Variants in ABCA1 observed in about 807,000 individuals in gnomAD.
ABCA1 encodes phospholipid-transporting ATPase ABCA1.
ABCA1 carries 133 observed loss-of-function variants against 262.5 expected under a neutral mutation model. The ratio of observed to expected loss-of-function variants is 0.51; its 90% confidence interval spans 0.44 to 0.59. ABCA1 has a LOEUF of 0.59. Among genes scored for constraint, ABCA1 ranks in the 20% least tolerant of loss-of-function variants. The pLI is 0.00. For synonymous variants in ABCA1, 1,022 were observed against 1,043.5 expected, an observed-to-expected ratio of 0.98 and a Z score of 0.40; for missense variants, 2,452 against 2,777.5, an observed-to-expected ratio of 0.88 and a Z score of 2.63.
At chr9:104,895,517 T>A (rs1485513874) in intron 2 of ABCA1, among the ~76,000 whole-genome samples, 1 of 148,252 alleles carries the variant, frequency 6.7e-6, no homozygotes. Context: ...GAGGGTGGGG[T>A]GGGGTAGGGG....
In ABCA1 at chr9:104,796,698, T is replaced by C. The variant is rs7033623; in HGVS notation, c.5122-274A>G. On this transcript the variant is annotated intron_variant, in intron 37 of 49. Coordinates refer to ENST00000374736, the MANE Select transcript of ABCA1 (RefSeq NM_005502.4). ...CTCAGTAAACTTACTGAACGATGGA[T>C]TCCCAGTCAGAGTAATTTTAATTTC... Among the ~76,000 whole-genome samples the C allele has an allele frequency of 2.3e-3, 346 of 152,300 alleles. 1 individual carries two copies. Among genetic ancestry groups the C allele is most frequent in the African/African-American group, 7.5e-3 (310 of 41,558 alleles).
chr9:104,800,659 G>A lies in ABCA1; in HGVS notation c.4699-75C>T. ...GGGCAACAGTCAATCTGGAACCTGTGGACAACAGGACGGCCCTGTGAAGAG... is the reference window on the plus strand; with the variant it reads ...GGGCAACAGTCAATCTGGAACCTGTAGACAACAGGACGGCCCTGTGAAGAG... On this transcript the variant is annotated intron_variant, in intron 34 of 49. Coordinates refer to ENST00000374736, the MANE Select transcript of ABCA1 (RefSeq NM_005502.4). 3.8e-6 allele frequency: 5 copies of A among 1,306,502 alleles called. No homozygotes were observed. The South Asian group carries it at 4.7e-5, about 12-fold the overall frequency. 80.9% of individuals were successfully genotyped at this position (1,306,502 alleles called of 1,614,324 possible).
At chr9:104,816,490 CTCTGG>C in intron 24 of ABCA1, 145 bp from the exon 25 acceptor site, 1 of 794,278 alleles carries the variant, frequency 1.3e-6, no homozygotes, top group Non-Finnish European at 2.2e-6. Context: ...ACATGTTCAT[CTCTGG>C]TCTGAGGGTT....
At chr9:104,876,463 G>A (rs567130942) in intron 5 of ABCA1, among the ~76,000 whole-genome samples, 2 of 152,330 alleles carry the variant, frequency 1.3e-5, no homozygotes, top group East Asian at 1.9e-4. Context: ...TGTCCACAGT[G>A]CAACCTGGAG....
intron 15 of ABCA1, 91 bp from the exon 16 acceptor site, chr9:104,827,260 T>G (rs1832886117): frequency 9.1e-7 from 1 of 1,095,128 alleles, no homozygotes; most frequent in Admixed American, 2.0e-5. Flanking sequence ...GGTTTATTCC[T>G]ACTCATGTTA....
chr9:104,837,565 G>T lies in ABCA1; in HGVS notation c.1057C>A (p.Pro353Thr). The T allele has an allele frequency of 6.2e-7, 1 of 1,614,018 alleles. No homozygotes were observed. The change falls in exon 10 of 50, where the codon CCT (proline) becomes ACT (threonine). Residue 353 changes from proline to threonine, a missense_variant and splice_region_variant. Pro to Thr is a conservative substitution (Grantham distance 38). Transcript: ENST00000374736. ...TTCTTCATCAAATCATTGCAGTAAGGAGCTATGAAGAAGAGGAGAGACAAA... is the reference window on the plus strand; with the variant it reads ...TTCTTCATCAAATCATTGCAGTAAGTAGCTATGAAGAAGAGGAGAGACAAA... ...AETFYDNSTT[P>T]YCNDLMKNLE...
intron 1 of ABCA1, among the ~76,000 whole-genome samples, chr9:104,904,678 T>C (rs1564284227): frequency 6.6e-6 from 1 of 151,802 alleles, no homozygotes; most frequent in East Asian, 1.9e-4. Flanking sequence ...CACCTGGCTC[T>C]CAGGTAATGA....
chr9:104,854,237 G>A (rs1339873006), intron 7 of ABCA1, among the ~76,000 whole-genome samples: 1 of 152,068 alleles, frequency 6.6e-6, no homozygotes, highest in African/African-American at 2.4e-5. Context: ...CAACTGCACG[G>A]GACTGAATTC....
intron 5 of ABCA1, among the ~76,000 whole-genome samples, chr9:104,870,961 G>A (rs561455066): frequency 6.6e-6 from 1 of 152,108 alleles, no homozygotes; most frequent in Admixed American, 6.5e-5. Flanking sequence ...AAATCACAAT[G>A]GTGGAACGTC....
At chr9:104,825,936 T>A (rs772684118) in intron 16 of ABCA1, 49 bp from the exon 17 acceptor site, 1 of 1,592,218 alleles carries the variant, frequency 6.3e-7, no homozygotes, top group South Asian at 1.1e-5. Flanking sequence ...TCAGTCTCAT[T>A]TTTCTATCTC....
At chr9:104,855,016 A>G (rs918989610) in intron 7 of ABCA1, 4 of 390,054 alleles carry the variant, frequency 1.0e-5, no homozygotes, top group African/African-American at 4.4e-5. Context: ...TAAAAACACA[A>G]CAGCGTTCTG....
intron 14 of ABCA1, 65 bp from the exon 15 acceptor site, chr9:104,829,203 A>G: frequency 1.3e-6 from 2 of 1,540,896 alleles, no homozygotes; most frequent in South Asian, 2.3e-5. Flanking sequence ...TGATGGGCCA[A>G]GGCCTCTGAG....
intron 36 of ABCA1, chr9:104,799,498 T>C (rs1465282940): frequency 8.1e-6 from 8 of 984,044 alleles, no homozygotes; most frequent in Non-Finnish European, 9.6e-6. Flanking sequence ...TTTAAAACAG[T>C]GGTTTTTAAA....
intron 3 of ABCA1, among the ~76,000 whole-genome samples, 189 bp downstream of exon 3, chr9:104,888,913 C>A (rs1839456485): frequency 6.6e-6 from 1 of 152,220 alleles, no homozygotes; most frequent in South Asian, 2.1e-4. Flanking sequence ...TATCACCATT[C>A]ACTAGGACTG....
chr9:104,873,969 A>C (rs960970655), intron 5 of ABCA1, among the ~76,000 whole-genome samples: 1 of 152,188 alleles, frequency 6.6e-6, no homozygotes, highest in Non-Finnish European at 1.5e-5. Context: ...TATATTTCCC[A>C]GGGAATATTT....
intron 1 of ABCA1, among the ~76,000 whole-genome samples, chr9:104,920,605 G>A (rs1842092359): frequency 6.6e-6 from 1 of 152,124 alleles, no homozygotes; most frequent in African/African-American, 2.4e-5. Flanking sequence ...TCTGCCTCCT[G>A]GGTTCAAGCG....
At position 104,891,655 on chromosome 9, in the gene ABCA1, G is replaced by T. The variant is rs193019384; in HGVS notation, c.67-2460C>A. 4.9e-3 allele frequency among the ~76,000 whole-genome samples: 745 copies of T among 151,258 alleles called. 15 individuals carry two copies. Among genetic ancestry groups the T allele is most frequent in the Middle Eastern group, 0.031 (9 of 286 alleles). Reference sequence around the variant, plus strand: ...GAAATACAGCAAGATAATGACAGTGGATGTACTAGGATGATAAGAACGTAG... The same window carrying T: ...GAAATACAGCAAGATAATGACAGTGTATGTACTAGGATGATAAGAACGTAG... On this transcript the variant is annotated intron_variant, in intron 2 of 49. Coordinates refer to ENST00000374736, the MANE Select transcript of ABCA1 (RefSeq NM_005502.4).
rs1831912503 is a variant in ABCA1, at chr9:104,817,803, T to C, written c.3463-399A>G. On this transcript the variant is annotated intron_variant, in intron 23 of 49. Coordinates refer to ENST00000374736, the MANE Select transcript of ABCA1 (RefSeq NM_005502.4). The surrounding 1 kb of genome is among the most constrained non-coding windows in gnomAD (Gnocchi z 4.7). ...TGCACAGATTCTGATTCGGTAGGTC[T>C]GAGCTGGGCCCAGGTTGCTGAATTT... Among the ~76,000 whole-genome samples the C allele has an allele frequency of 6.6e-6, 1 of 152,256 alleles. No homozygotes were observed. Among genetic ancestry groups the C allele is most frequent in the African/African-American group, 2.4e-5 (1 of 41,472 alleles).
chr9:104,882,508 A>C (rs1288564892), intron 5 of ABCA1, among the ~76,000 whole-genome samples: 1 of 152,212 alleles, frequency 6.6e-6, no homozygotes, highest in African/African-American at 2.4e-5. Context: ...AATTGCCTGG[A>C]TACTTACCAG....
Sources: gnomAD v4.1 joint callset for allele counts (sites outside exome capture counted in the v4.1 genomes callset) on GRCh38, gnomAD v4.1.1 for gene constraint, Gnocchi (gnomAD v3.1) non-coding constraint, MANE v1.5 for transcripts, NCBI Gene and HGNC (gene_info 2026-07-23, HGNC 2026-07-21) for gene names.